The following SHOC1 variants were observed in gnomAD, a reference collection of about 807,000 sequenced individuals.
SHOC1 encodes shortage in chiasmata 1, also known as protein shortage in chiasmata 1 ortholog.
SHOC1 carries 136 observed loss-of-function variants against 179.2 expected under a neutral mutation model. That is an observed-to-expected ratio of 0.76 (90% CI 0.66 to 0.87). SHOC1 has a LOEUF of 0.87. SHOC1 is among the 40% of genes least tolerant of loss of function. The pLI, the probability that SHOC1 is intolerant of heterozygous loss-of-function variation, is 0.00. For missense variants in SHOC1, 1,538 were observed against 1,700.8 expected (o/e 0.90, Z 1.68); for synonymous variants, 489 against 586.6 (o/e 0.83, Z 2.41).
intron 5 of SHOC1, among the ~76,000 whole-genome samples, chr9:111,773,218 G>A (rs1023791992): frequency 1.6e-4 from 24 of 152,134 alleles, no homozygotes; most frequent in Admixed American, 6.5e-5. Flanking sequence ...ATTTTAAAAC[G>A]ATAAGTCAGA....
At position 111,692,441 on chromosome 9, in the gene SHOC1, G is replaced by A. The variant is rs148430343; in HGVS notation, c.3536C>T (p.Ser1179Leu). Residue 1179 changes from serine to leucine, a missense_variant, in exon 27 of 28, where the codon TCA (serine) becomes TTA (leucine). Physicochemically the swap from Ser to Leu is moderately radical, Grantham distance 145. Coordinates refer to ENST00000682961, the MANE Select transcript of SHOC1 (RefSeq NM_001378211.1). Reference sequence around the variant, plus strand: ...AATCTGATTCCTATTTTCCTGAGGTGACGAAATTTGCGGTGATTTTGTTAT... The same window carrying A: ...AATCTGATTCCTATTTTCCTGAGGTAACGAAATTTGCGGTGATTTTGTTAT... ...SSITKSPQISSPQENRNQIST... is the reference protein window; with the variant it reads ...SSITKSPQISLPQENRNQIST... 2.5e-5 allele frequency: 40 copies of A among 1,609,114 alleles called. No individual in the cohort carries two copies. Among genetic ancestry groups the A allele is most frequent in the Middle Eastern group, 3.3e-4 (2 of 6,026 alleles).
At chr9:111,700,378 T>G (rs192672787) in intron 23 of SHOC1, among the ~76,000 whole-genome samples, 213 of 152,176 alleles carry the variant, frequency 1.4e-3, no homozygotes, top group Non-Finnish European at 2.3e-3. Context: ...ATCCCCCTGG[T>G]CAAAGTAACA....
intron 24 of SHOC1, among the ~76,000 whole-genome samples, chr9:111,699,552 A>G (rs1388359296): frequency 1.3e-5 from 2 of 152,212 alleles, no homozygotes; most frequent in Non-Finnish European, 2.9e-5. Flanking sequence ...AGAGTGGGAC[A>G]CTGAAAAAGG....
chr9:111,706,546 G>A, intron 20 of SHOC1, 22 bp downstream of exon 20: 1 of 1,452,860 alleles, frequency 6.9e-7, no homozygotes, highest in Non-Finnish European at 9.1e-7. Flanking sequence ...AGCAAAAAAA[G>A]GATTTTGGCT....
chr9:111,718,790 CAA>C (rs35992665), intron 15 of SHOC1, among the ~76,000 whole-genome samples: 8,344 of 152,128 alleles, frequency 0.055, 552 homozygotes, highest in African/African-American at 0.16. Flanking sequence ...ATAACTCAAA[CAA>C]GAGATAAACT....
At chr9:111,758,899 C>A (rs1835006948) in intron 5 of SHOC1, 51 bp from the exon 6 acceptor site, 2 of 1,103,200 alleles carry the variant, frequency 1.8e-6, no homozygotes, top group Non-Finnish European at 2.6e-6. Context: ...AAAAAGTTAT[C>A]CAAAGAGATC....
At chr9:111,786,368 G>A (rs1836259593) in intron 2 of SHOC1, among the ~76,000 whole-genome samples, 2 of 152,026 alleles carry the variant, frequency 1.3e-5, no homozygotes, top group African/African-American at 4.8e-5. Flanking sequence ...CCGGGAGGTG[G>A]AGTTTGCAGT....
intron 21 of SHOC1, 77 bp downstream of exon 21, chr9:111,705,170 T>TATAC (rs879094543): frequency 4.1e-6 from 2 of 492,382 alleles, no homozygotes; most frequent in Non-Finnish European, 7.2e-6. Context: ...AGAATATATA[T>TATAC]ACACACACAC....
At chr9:111,689,268 C>T (rs1831315823) in intron 27 of SHOC1, among the ~76,000 whole-genome samples, 1 of 150,760 alleles carries the variant, frequency 6.6e-6, no homozygotes, top group African/African-American at 2.4e-5. Context: ...TACCTTTCGT[C>T]CCAGCTACTC....
chr9:111,774,080 A>G (rs1021661718), intron 5 of SHOC1, among the ~76,000 whole-genome samples: 3 of 152,168 alleles, frequency 2.0e-5, no homozygotes, highest in Non-Finnish European at 2.9e-5. Flanking sequence ...CTCTCAGTCA[A>G]TAGTTGATTC....
intron 8 of SHOC1, among the ~76,000 whole-genome samples, chr9:111,754,084 T>C (rs1378270817): frequency 1.3e-5 from 2 of 152,126 alleles, no homozygotes; most frequent in Non-Finnish European, 2.9e-5. Context: ...TGATGATAAG[T>C]TAATTAGCTT....
At chr9:111,788,773 T>A (rs979478228) in intron 2 of SHOC1, among the ~76,000 whole-genome samples, 2 of 152,258 alleles carry the variant, frequency 1.3e-5, no homozygotes, top group African/African-American at 2.4e-5. Flanking sequence ...TAAAAATATA[T>A]CTAATAAAGG....
chr9:111,783,032 A>ACTCCTTTTAC (rs1170304980), intron 3 of SHOC1, among the ~76,000 whole-genome samples: 2 of 152,180 alleles, frequency 1.3e-5, no homozygotes, highest in Non-Finnish European at 2.9e-5. Context: ...TACTCCTGTT[A>ACTCCTTTTAC]TCCTTTTTCT....
chr9:111,701,729 G>C (rs1831978426), intron 23 of SHOC1, among the ~76,000 whole-genome samples: 1 of 152,064 alleles, frequency 6.6e-6, no homozygotes, highest in African/African-American at 2.4e-5. Context: ...TTAATAGAAG[G>C]AGGAATAAAA....
intron 27 of SHOC1, among the ~76,000 whole-genome samples, chr9:111,690,584 T>C (rs1376969626): frequency 6.6e-6 from 1 of 152,218 alleles, no homozygotes; most frequent in Non-Finnish European, 1.5e-5. Context: ...TTGACATGAA[T>C]AGGTCAGTAG....
chr9:111,732,391 T>G (rs1228355848), intron 12 of SHOC1, among the ~76,000 whole-genome samples: 1 of 152,012 alleles, frequency 6.6e-6, no homozygotes, highest in African/African-American at 2.4e-5. Flanking sequence ...TGAGACCCCA[T>G]CTCTAATTAA....
chr9:111,745,189 A>G (rs1035143646), intron 10 of SHOC1, among the ~76,000 whole-genome samples: 1 of 152,226 alleles, frequency 6.6e-6, no homozygotes, highest in African/African-American at 2.4e-5. Context: ...AGCCAAATCT[A>G]TTGATCAACG....
intron 26 of SHOC1, among the ~76,000 whole-genome samples, chr9:111,693,005 C>T (rs1246176037): frequency 1.3e-5 from 2 of 152,080 alleles, no homozygotes; most frequent in African/African-American, 4.8e-5. Context: ...TATAAAATAG[C>T]TTTAGAATGT....
intron 5 of SHOC1, among the ~76,000 whole-genome samples, chr9:111,763,706 G>A (rs1296712907): frequency 6.6e-6 from 1 of 152,120 alleles, no homozygotes; most frequent in Non-Finnish European, 1.5e-5. Context: ...TGACTAAACT[G>A]GCAGCTACAA....
Sources: gnomAD v4.1 joint callset for allele counts (sites outside exome capture counted in the v4.1 genomes callset) on GRCh38, gnomAD v4.1.1 for gene constraint, MANE v1.5 for transcripts, NCBI Gene and HGNC (gene_info 2026-07-23, HGNC 2026-07-21) for gene names.